DNMT3A: variants seen among roughly 807,000 people sequenced by gnomAD.
DNMT3A encodes the protein DNA (cytosine-5)-methyltransferase 3A.
Under a neutral mutation model 117.6 loss-of-function variants are expected in DNMT3A, and 267 were observed. That is an observed-to-expected ratio of 2.27 (90% CI 2.05 to 2.51). The LOEUF is 2.51. DNMT3A is among the 30% of genes most tolerant of loss of function. The pLI is 0.00. For synonymous variants in DNMT3A, 432 were observed against 474.8 expected, an observed-to-expected ratio of 0.91 and a Z score of 1.17; for missense variants, 1,029 against 1,260.2, an observed-to-expected ratio of 0.82 and a Z score of 2.78.
chr2:25,281,056 A>C lies in DNMT3A; in HGVS notation c.448+1385T>G, dbSNP rs962939987. Among the ~76,000 whole-genome samples, 1 of 152,094 alleles carries C rather than the reference A, an allele frequency of 6.6e-6. No homozygotes were observed. Among genetic ancestry groups the C allele is most frequent in the African/African-American group, 2.4e-5 (1 of 41,420 alleles). On this transcript the variant is annotated intron_variant, in intron 4 of 22. Coordinates refer to ENST00000321117, the MANE Select transcript of DNMT3A (RefSeq NM_022552.5). The surrounding 1 kb of genome is among the most constrained non-coding windows in gnomAD (Gnocchi z 4.8). ...TCACACACCTGGCATTGTTAATGGG[A>C]AGGATGGTGTCTTCTCCCTTTCCTC...
rs1234716262 is a variant in DNMT3A, at chr2:25,247,751, T to G, written c.856-2A>C. On this transcript the variant is annotated splice_acceptor_variant, in intron 7 of 22. Coordinates refer to ENST00000321117, the MANE Select transcript of DNMT3A (RefSeq NM_022552.5). LOFTEE classifies it high-confidence loss of function. This position sits in a 1 kb window ranked among gnomAD's most constrained non-coding sequence, Gnocchi z 5.6. Reference sequence around the variant, plus strand: ...CCCAATGCCAAAGCCCCGGCCGTCCTGGAGCCCCAAGGAGCAGAAATCATT... The same window carrying G: ...CCCAATGCCAAAGCCCCGGCCGTCCGGGAGCCCCAAGGAGCAGAAATCATT... The G allele has an allele frequency of 1.2e-6, 2 of 1,611,444 alleles. No individual in the cohort carries two copies. Among genetic ancestry groups the G allele is most frequent in the Non-Finnish European group, 1.7e-6 (2 of 1,179,952 alleles).
chr2:25,290,037 G>A (rs1309739797), intron 3 of DNMT3A, among the ~76,000 whole-genome samples: 2 of 152,106 alleles, frequency 1.3e-5, no homozygotes, highest in Non-Finnish European at 2.9e-5. Context: ...GCACGATCAC[G>A]GCTCACTGTG....
chr2:25,340,703 G>A (rs1026410925), intron 1 of DNMT3A, among the ~76,000 whole-genome samples: 23 of 152,062 alleles, frequency 1.5e-4, no homozygotes. Flanking sequence ...TCAAGGACAC[G>A]TCTGCACCGG....
rs934975662 is a variant in DNMT3A, at chr2:25,234,375, G to A, written c.2643C>T (p.Ser881=). Residue 881 remains serine, a synonymous_variant, in exon 23 of 23, where the codon AGC becomes AGT. Transcript: ENST00000321117. The surrounding 1 kb of genome is among the most constrained non-coding windows in gnomAD (Gnocchi z 4.5). ...PVHYTDVSNM[S]RLARQRLLGR... is the part of the protein sequence containing the mutation. ...CCAGCAGTCTCTGCCTCGCCAAGCG[G>A]CTCATGTTGGAGACGTCAGTATAGT... is the stretch of plus-strand genomic sequence containing the variant. 6 of 1,614,110 alleles carry A rather than the reference G, an allele frequency of 3.7e-6. No homozygotes were observed. Among genetic ancestry groups the A allele is most frequent in the Middle Eastern group, 3.3e-4 (2 of 6,058 alleles).
chr2:25,306,231 A>G lies in DNMT3A; in HGVS notation c.73-5988T>C, dbSNP rs1033754782. 1.3e-5 allele frequency among the ~76,000 whole-genome samples: 2 copies of G among 152,222 alleles called. No individual in the cohort carries two copies. Among genetic ancestry groups the G allele is most frequent in the Admixed American group, 1.3e-4 (2 of 15,284 alleles). On this transcript the variant is annotated intron_variant, in intron 2 of 22. Coordinates refer to ENST00000321117, the MANE Select transcript of DNMT3A (RefSeq NM_022552.5). This position sits in a 1 kb window ranked among gnomAD's most constrained non-coding sequence, Gnocchi z 4.1. The stretch of plus-strand genomic sequence containing the variant: ...CACACCCGTGCCCAGGCCAACCTGC[A>G]GAGGCTGATCCCAGCGTGAGGGGTC...
chr2:25,278,460 G>A, intron 4 of DNMT3A, among the ~76,000 whole-genome samples: 1 of 152,220 alleles, frequency 6.6e-6, no homozygotes, highest in Non-Finnish European at 1.5e-5. Context: ...TCTCTCACCA[G>A]TTGCATAATC....
chr2:25,301,605 A>G, intron 2 of DNMT3A, among the ~76,000 whole-genome samples: 1 of 151,740 alleles, frequency 6.6e-6, no homozygotes, highest in Non-Finnish European at 1.5e-5. Flanking sequence ...CTGCCTCACT[A>G]CTCCAGCCTG....
At position 25,262,186 on chromosome 2, in the gene DNMT3A, C is replaced by A. The variant is rs1228590339; in HGVS notation, c.639+12755G>T. On this transcript the variant is annotated intron_variant, in intron 6 of 22. Transcript: ENST00000321117. ...GCCTGGCGAGAGAGCAAGACTCCGT[C>A]TCAAAAAAAAAAAAAAAAAAAACCT... Among the ~76,000 whole-genome samples, 3 of 94,378 alleles carry A rather than the reference C, an allele frequency of 3.2e-5. 1 individual carries two copies. The highest frequency in any genetic ancestry group is 6.1e-5 in the Non-Finnish European group (3 of 49,356). The allele number at this position is 94,378 out of a possible 152,430, so 61.9% of individuals were successfully genotyped here. A position where few individuals can be genotyped will look rare whatever the true frequency, so the allele number is the denominator to read the frequency against.
At chr2:25,289,106 C>CTT (rs1204158555) in intron 3 of DNMT3A, among the ~76,000 whole-genome samples, 12 of 143,844 alleles carry the variant, frequency 8.3e-5, no homozygotes, top group Non-Finnish European at 7.7e-5. Flanking sequence ...CCTTATTTAA[C>CTT]TTTTTTTTTT....
chr2:25,304,762 G>A lies in DNMT3A; in HGVS notation c.73-4519C>T, dbSNP rs969143857. Among the ~76,000 whole-genome samples the A allele has an allele frequency of 9.2e-5, 14 of 152,206 alleles. No homozygotes were observed. Among genetic ancestry groups the A allele is most frequent in the Non-Finnish European group, 1.9e-4 (13 of 68,038 alleles). ...GGTCCCAACAGACAGCACCAAGCGCGAAAGCAAACTGCTTCCGGCCTCAGC... is the reference window on the plus strand; with the variant it reads ...GGTCCCAACAGACAGCACCAAGCGCAAAAGCAAACTGCTTCCGGCCTCAGC... On this transcript the variant is annotated intron_variant, in intron 2 of 22. Transcript: ENST00000321117. The surrounding 1 kb of genome is among the most constrained non-coding windows in gnomAD (Gnocchi z 4.3).
At position 25,239,137 on chromosome 2, in the gene DNMT3A, T is replaced by C. The variant is rs753567076; in HGVS notation, c.2401A>G (p.Met801Val). Residue 801 changes from methionine to valine, a missense_variant, in exon 20 of 23, where the codon ATG becomes GTG. Met to Val is a conservative substitution (Grantham distance 21). Coordinates refer to ENST00000321117, the MANE Select transcript of DNMT3A (RefSeq NM_022552.5). The stretch of plus-strand genomic sequence containing the variant: ...CCAGGAGCTTTCACCAACCTGTTCA[T>C]ACCGGGAAGGTTACCCCAGAAGTAG... ...ARYFWGNLPG[M>V]NRPLASTVND... 8 of 1,613,690 alleles carry C rather than the reference T, an allele frequency of 5.0e-6. No homozygotes were observed. Among genetic ancestry groups the C allele is most frequent in the African/African-American group, 1.3e-5 (1 of 74,908 alleles).
rs1270590358 is a variant in DNMT3A at position 25,230,516 on chromosome 2, T to TA, written c.*3762dup. ...TTCGGAAAGAAAATTCCACAGGGAA[T>TA]ATGCCTGGCAATTTTCCCTAGGCCT... On this transcript the variant is annotated 3_prime_UTR_variant, in exon 23 of 23. Coordinates refer to ENST00000321117, the MANE Select transcript of DNMT3A (RefSeq NM_022552.5). 14 of 152,380 alleles carry TA rather than the reference T, an allele frequency of 9.2e-5. No individual in the cohort carries two copies. The highest frequency in any genetic ancestry group is 3.4e-4 in the African/African-American group (14 of 41,562). 9.4% of individuals were successfully genotyped at this position (152,380 alleles called of 1,614,324 possible).
At chr2:25,330,911 A>G (rs2034992957) in intron 1 of DNMT3A, among the ~76,000 whole-genome samples, 1 of 152,248 alleles carries the variant, frequency 6.6e-6, no homozygotes, top group Admixed American at 6.5e-5. Context: ...GGAACAAGAG[A>G]GTCAATAGAA....
chr2:25,230,103 C>G lies in DNMT3A; in HGVS notation c.*4176G>C, dbSNP rs890224830. On this transcript the variant is annotated 3_prime_UTR_variant, in exon 23 of 23. Coordinates refer to ENST00000321117, the MANE Select transcript of DNMT3A (RefSeq NM_022552.5). Reference sequence around the variant, plus strand: ...AGGCCTGTTTCAAAAGCTAACAGGTCCCGGGTGCTCTCTTGGAAAGTTTGC... The same window carrying G: ...AGGCCTGTTTCAAAAGCTAACAGGTGCCGGGTGCTCTCTTGGAAAGTTTGC... 5 of 152,240 alleles carry G rather than the reference C, an allele frequency of 3.3e-5. No homozygotes were observed. Among genetic ancestry groups the G allele is most frequent in the African/African-American group, 1.2e-4 (5 of 41,456 alleles). 9.4% of individuals were successfully genotyped at this position (152,240 alleles called of 1,614,324 possible). A position where few individuals can be genotyped will look rare whatever the true frequency, so the allele number is the denominator to read the frequency against.
chr2:25,299,125 G>A lies in DNMT3A; in HGVS notation c.177+1014C>T, dbSNP rs145502720. Among the ~76,000 whole-genome samples, 352 of 152,302 alleles carry A rather than the reference G, an allele frequency of 2.3e-3. 3 individuals are homozygous for A. Among genetic ancestry groups the A allele is most frequent in the African/African-American group, 8.2e-3 (339 of 41,548 alleles). ...TTTACCATTCTCAGCTGGAAGGGGGGTAAAAGAAAGGAACCAGCTGTCTCT... is the reference window on the plus strand; with the variant it reads ...TTTACCATTCTCAGCTGGAAGGGGGATAAAAGAAAGGAACCAGCTGTCTCT... On this transcript the variant is annotated intron_variant, in intron 3 of 22. Coordinates refer to ENST00000321117, the MANE Select transcript of DNMT3A (RefSeq NM_022552.5).
Position 25,236,850 on chromosome 2 carries a change from G to A in DNMT3A, c.2478+86C>T, listed in dbSNP as rs932645063. On this transcript the variant is annotated intron_variant, in intron 21 of 22. Transcript: ENST00000321117. The surrounding 1 kb of genome is among the most constrained non-coding windows in gnomAD (Gnocchi z 4.5). ...CTCCACACTAGCTGGAGAAGCAGGC[G>A]GGACAAGGCCCTGGCCACCGCTCCA... The A allele has an allele frequency of 4.6e-5, 64 of 1,386,034 alleles. No individual in the cohort carries two copies. Among genetic ancestry groups the A allele is most frequent in the Middle Eastern group, 3.6e-4 (2 of 5,512 alleles). 85.9% of individuals were successfully genotyped at this position (1,386,034 alleles called of 1,614,324 possible).
chr2:25,285,716 T>C (rs910930693), intron 3 of DNMT3A, among the ~76,000 whole-genome samples: 1 of 152,210 alleles, frequency 6.6e-6, no homozygotes, highest in Admixed American at 6.5e-5. Context: ...ATCCTGTGTG[T>C]CAGGACCCTC....
In DNMT3A at chr2:25,240,396, G is replaced by C. The variant is rs755673156; in HGVS notation, c.2228C>G (p.Pro743Arg). 2 of 1,613,954 alleles carry C rather than the reference G, an allele frequency of 1.2e-6. No homozygotes were observed. Among genetic ancestry groups the C allele is most frequent in the Non-Finnish European group, 1.7e-6 (2 of 1,179,898 alleles). ...GAAGGGGCGATCATCTCCCTCCTTG[G>C]GCCGCGCATCATGCAGGAGGCGGTA... ...EFYRLLHDAR[P>R]KEGDDRPFFW... is the part of the protein sequence containing the mutation. Residue 743 changes from proline to arginine, a missense_variant, in exon 19 of 23, where the codon CCC becomes CGC. Pro to Arg is a moderately radical substitution (Grantham distance 103). Transcript: ENST00000321117.
At chr2:25,280,397 T>C (rs1045961909) in intron 4 of DNMT3A, among the ~76,000 whole-genome samples, 3 of 145,268 alleles carry the variant, frequency 2.1e-5, no homozygotes, top group Non-Finnish European at 4.5e-5. Context: ...ACCCTTCTCC[T>C]TTGCTCTCTG....
Sources: allele counts gnomAD v4.1 joint callset (sites outside exome capture counted in the v4.1 genomes callset), GRCh38; gene constraint gnomAD v4.1.1; non-coding constraint Gnocchi (gnomAD v3.1); transcripts MANE v1.5; gene names NCBI Gene and HGNC (gene_info 2026-07-23, HGNC 2026-07-21).